FAM13A: variants seen among roughly 807,000 people sequenced by gnomAD.
The protein encoded by FAM13A is family with sequence similarity 13 member A, also known as protein FAM13A.
FAM13A carries 76 observed loss-of-function variants against 129.6 expected under a neutral mutation model. That is an observed-to-expected ratio of 0.59 (90% CI 0.49 to 0.71). FAM13A has a LOEUF of 0.71. Among genes scored for constraint, FAM13A ranks in the 30% least tolerant of loss-of-function variants. The pLI is 0.00. For missense variants in FAM13A, 1,108 were observed against 1,249.3 expected, an observed-to-expected ratio of 0.89 and a Z score of 1.70; for synonymous variants, 443 against 449.9, an observed-to-expected ratio of 0.98 and a Z score of 0.20.
At chr4:88,969,848 C>T (rs916918786) in intron 4 of FAM13A, among the ~76,000 whole-genome samples, 7 of 152,240 alleles carry the variant, frequency 4.6e-5, no homozygotes, top group Admixed American at 4.6e-4. Flanking sequence ...AGAGCCTGGA[C>T]TGGAATCCAG....
chr4:88,834,181 G>A (rs1734421127), intron 7 of FAM13A, among the ~76,000 whole-genome samples: 1 of 147,880 alleles, frequency 6.8e-6, no homozygotes, highest in Admixed American at 6.7e-5. Flanking sequence ...CAAAGTGCTG[G>A]GATTATAGGC....
At chr4:89,021,832 T>C (rs1305064648) in intron 2 of FAM13A, among the ~76,000 whole-genome samples, 1 of 151,522 alleles carries the variant, frequency 6.6e-6, no homozygotes, top group Non-Finnish European at 1.5e-5. Flanking sequence ...AGGGAAAGGG[T>C]TGAAAGGTAA....
At chr4:88,977,602 T>A (rs1038403228) in intron 4 of FAM13A, among the ~76,000 whole-genome samples, 2 of 152,220 alleles carry the variant, frequency 1.3e-5, no homozygotes, top group African/African-American at 2.4e-5. Context: ...TGCATATTTT[T>A]CAAAACAATT....
chr4:89,010,164 T>C (rs972266436), intron 3 of FAM13A, among the ~76,000 whole-genome samples: 1 of 152,224 alleles, frequency 6.6e-6, no homozygotes, highest in Non-Finnish European at 1.5e-5. Flanking sequence ...CAGTATGTAC[T>C]GACCTTGTAT....
At chr4:88,930,213 T>G (rs1449888488) in intron 5 of FAM13A, among the ~76,000 whole-genome samples, 2 of 152,240 alleles carry the variant, frequency 1.3e-5, no homozygotes, top group African/African-American at 4.8e-5. Flanking sequence ...GGGGATTTGT[T>G]ACTGGACACT....
At chr4:88,875,872 C>T in intron 6 of FAM13A, among the ~76,000 whole-genome samples, 1 of 152,104 alleles carries the variant, frequency 6.6e-6, no homozygotes, top group East Asian at 1.9e-4. Context: ...TTCACAATAG[C>T]AAAGACTTGA....
At chr4:88,990,103 G>C (rs1279264357) in intron 4 of FAM13A, 1 of 152,130 alleles carries the variant, frequency 6.6e-6, no homozygotes, top group African/African-American at 2.4e-5. Flanking sequence ...AATCAGGATA[G>C]TTATTACAGT....
At chr4:88,857,411 T>G (rs1006331933) in intron 6 of FAM13A, among the ~76,000 whole-genome samples, 4 of 151,988 alleles carry the variant, frequency 2.6e-5, no homozygotes, top group Non-Finnish European at 5.9e-5. Flanking sequence ...GCGGATCACT[T>G]GAGGCCAGGA....
intron 5 of FAM13A, among the ~76,000 whole-genome samples, chr4:88,920,205 C>A (rs1350285890): frequency 6.6e-6 from 1 of 152,106 alleles, no homozygotes; most frequent in Non-Finnish European, 1.5e-5. Flanking sequence ...AGTGGTTCTC[C>A]CAGCACGGAG....
Position 88,790,601 on chromosome 4 carries a change from A to T in FAM13A, c.1076T>A (p.Val359Glu), listed in dbSNP as rs766524177. 1.9e-6 allele frequency: 3 copies of T among 1,612,048 alleles called. No individual in the cohort carries two copies. Among genetic ancestry groups the T allele is most frequent in the Non-Finnish European group, 2.5e-6 (3 of 1,178,922 alleles). Reference protein sequence around the residue: ...LSAHVPQVSNVSATGELLERT... With the variant: ...LSAHVPQVSNESATGELLERT... Reference sequence around the variant, plus strand: ...AATAACTTACTCTCCGGTTGCAGACACATTGCTGACTTGGGGTACATGAGC... The same window carrying T: ...AATAACTTACTCTCCGGTTGCAGACTCATTGCTGACTTGGGGTACATGAGC... The change falls in exon 9 of 24, where the codon GTG (valine) becomes GAG (glutamate). Residue 359 changes from valine to glutamate, a missense_variant. Val to Glu is a moderately radical substitution (Grantham distance 121). Transcript: ENST00000264344.
At chr4:88,779,335 T>G (rs1722385266) in intron 11 of FAM13A, among the ~76,000 whole-genome samples, 1 of 152,114 alleles carries the variant, frequency 6.6e-6, no homozygotes, top group Non-Finnish European at 1.5e-5. Flanking sequence ...AAAGTAGAAT[T>G]AGAAGGTTAA....
chr4:89,036,450 AG>A (rs1370779487), intron 1 of FAM13A, among the ~76,000 whole-genome samples: 1 of 152,246 alleles, frequency 6.6e-6, no homozygotes, highest in Non-Finnish European at 1.5e-5. Context: ...ATGAGCAAAG[AG>A]ATTATCTGAA....
intron 1 of FAM13A, among the ~76,000 whole-genome samples, chr4:89,045,573 G>A (rs1466556025): frequency 2.0e-5 from 3 of 152,126 alleles, no homozygotes; most frequent in Admixed American, 6.5e-5. Flanking sequence ...TATATTATAA[G>A]GAAATTATTA....
intron 7 of FAM13A, among the ~76,000 whole-genome samples, chr4:88,837,913 G>C (rs1458858448): frequency 6.6e-6 from 1 of 151,864 alleles, no homozygotes; most frequent in Non-Finnish European, 1.5e-5. Flanking sequence ...TGTGTCCATG[G>C]GTTCCACATC....
At chr4:89,047,686 A>C (rs951090650) in intron 1 of FAM13A, among the ~76,000 whole-genome samples, 2 of 152,166 alleles carry the variant, frequency 1.3e-5, no homozygotes, top group Admixed American at 6.5e-5. Flanking sequence ...CTACAGGGGG[A>C]ACCAGCGGTG....
At position 89,003,998 on chromosome 4, in the gene FAM13A, T is replaced by G. The variant is rs114413773; in HGVS notation, c.428-12848A>C. ...TAGGGATCTGCCGGTTTTCTTTTCT[T>G]TTTTTGTAGAGACAGGGTCTCACTA... On this transcript the variant is annotated intron_variant, in intron 3 of 23. Coordinates refer to ENST00000264344, the MANE Select transcript of FAM13A (RefSeq NM_014883.4). 5.5e-3 allele frequency among the ~76,000 whole-genome samples: 836 copies of G among 152,274 alleles called. 8 individuals are homozygous for G. The highest frequency in any genetic ancestry group is 0.019 in the African/African-American group (780 of 41,560).
chr4:89,036,804 T>G (rs1466350227), intron 1 of FAM13A, among the ~76,000 whole-genome samples: 1 of 152,166 alleles, frequency 6.6e-6, no homozygotes, highest in Non-Finnish European at 1.5e-5. Flanking sequence ...GCTCCAGCCA[T>G]GGCTAAAATG....
At chr4:88,795,338 AT>A (rs1455165855) in intron 8 of FAM13A, among the ~76,000 whole-genome samples, 2 of 151,852 alleles carry the variant, frequency 1.3e-5, no homozygotes, top group Non-Finnish European at 3.0e-5. Context: ...TCACAGCTAT[AT>A]CTTAATGCTA....
intron 3 of FAM13A, among the ~76,000 whole-genome samples, chr4:89,005,667 T>G (rs892982825): frequency 3.9e-5 from 6 of 152,192 alleles, no homozygotes; most frequent in African/African-American, 1.4e-4. Context: ...TAATGATCAG[T>G]GATGTTGAGC....
Sources: allele counts gnomAD v4.1 joint callset (sites outside exome capture counted in the v4.1 genomes callset), GRCh38; gene constraint gnomAD v4.1.1; transcripts MANE v1.5; gene names NCBI Gene and HGNC (gene_info 2026-07-23, HGNC 2026-07-21).